Variants in GFRA1 observed in about 807,000 individuals in gnomAD.
GFRA1 encodes GDNF family receptor alpha-1.
GFRA1 carries 16 observed loss-of-function variants against 51.6 expected under a neutral mutation model. The ratio of observed to expected loss-of-function variants is 0.31; its 90% CI spans 0.21 to 0.47. The LOEUF (loss-of-function observed/expected upper bound fraction) is 0.47. Among genes scored for constraint, GFRA1 ranks in the 20% least tolerant of loss-of-function variants. GFRA1 has a pLI of 1.00. For synonymous variants in GFRA1, 270 were observed against 241.3 expected, an observed-to-expected ratio of 1.12 and a Z score of -1.10; for missense variants, 530 against 594.3, an observed-to-expected ratio of 0.89 and a Z score of 1.13.
rs1356436177 is a variant in GFRA1 at position 116,061,876 on chromosome 10, C to T, written c.*2522G>A. 17 of 397,296 alleles carry T rather than the reference C, an allele frequency of 4.3e-5. No individual in the cohort carries two copies. Among genetic ancestry groups the T allele is most frequent in the Non-Finnish European group, 6.6e-5 (15 of 225,724 alleles). 24.6% of individuals were successfully genotyped at this position (397,296 alleles called of 1,614,324 possible). A position where few individuals can be genotyped will look rare whatever the true frequency, so the allele number is the denominator to read the frequency against. Reference sequence around the variant, plus strand: ...GTCAAACTAAGATCACACTGAATGGCGGAAACCTTGCTTGGCTTGCTTTGA... The same window carrying T: ...GTCAAACTAAGATCACACTGAATGGTGGAAACCTTGCTTGGCTTGCTTTGA... On this transcript the variant is annotated 3_prime_UTR_variant, in exon 11 of 11. Coordinates refer to ENST00000355422, the MANE Select transcript of GFRA1 (RefSeq NM_005264.8).
intron 5 of GFRA1, among the ~76,000 whole-genome samples, chr10:116,183,715 T>C (rs918291713): frequency 2.0e-5 from 3 of 152,190 alleles, no homozygotes; most frequent in Admixed American, 6.5e-5. Flanking sequence ...TCTCTGCCTC[T>C]TGCTCACTCA....
At chr10:116,168,666 G>T (rs1452074123) in intron 5 of GFRA1, among the ~76,000 whole-genome samples, 2 of 152,192 alleles carry the variant, frequency 1.3e-5, no homozygotes, top group African/African-American at 4.8e-5. Context: ...GGGTTAACAA[G>T]AAATTCTTTT....
chr10:116,087,654 C>T (rs1045688442), intron 9 of GFRA1, among the ~76,000 whole-genome samples: 1 of 152,318 alleles, frequency 6.6e-6, no homozygotes, highest in Non-Finnish European at 1.5e-5. Context: ...CCCGTGATCA[C>T]CTTATGATAA....
Position 116,271,081 on chromosome 10 carries a change from G to A in GFRA1, c.75C>T (p.Asp25=). Residue 25 remains aspartate (D), a synonymous_variant, in exon 3 of 11, where the codon GAC becomes GAT. Transcript: ENST00000355422. ...LLLSAEVSGG[D]RLDCVKASDQ... Reference sequence around the variant, plus strand: ...CACTGGCTTTCACGCAATCCAGGCGGTCTCCGCCGCTCACTTCGGCCGACA... The same window carrying A: ...CACTGGCTTTCACGCAATCCAGGCGATCTCCGCCGCTCACTTCGGCCGACA... 6.2e-7 allele frequency: 1 copy of A among 1,610,438 alleles called. No individual in the cohort carries two copies. The highest frequency in any genetic ancestry group is 1.3e-5 in the African/African-American group (1 of 74,998).
At chr10:116,244,986 A>C (rs1374040888) in intron 4 of GFRA1, among the ~76,000 whole-genome samples, 1 of 152,238 alleles carries the variant, frequency 6.6e-6, no homozygotes, top group East Asian at 1.9e-4. Flanking sequence ...GAGAGCTTAA[A>C]GAAACAATAG....
chr10:116,244,193 A>G (rs1349541225), intron 4 of GFRA1, among the ~76,000 whole-genome samples: 1 of 150,684 alleles, frequency 6.6e-6, no homozygotes, highest in African/African-American at 2.4e-5. Context: ...GGATCTATTG[A>G]TCTATTACAG....
chr10:116,070,395 C>A (rs951725781), intron 9 of GFRA1, among the ~76,000 whole-genome samples: 1 of 152,194 alleles, frequency 6.6e-6, no homozygotes, highest in African/African-American at 2.4e-5. Flanking sequence ...GGGAAAACCA[C>A]TGTATGAGTT....
At chr10:116,252,539 T>C (rs1269007787) in intron 4 of GFRA1, among the ~76,000 whole-genome samples, 1 of 152,092 alleles carries the variant, frequency 6.6e-6, no homozygotes, top group Non-Finnish European at 1.5e-5. Flanking sequence ...AACCAGGCTA[T>C]CAATGGTCAT....
intron 4 of GFRA1, among the ~76,000 whole-genome samples, chr10:116,234,361 G>A (rs917771693): frequency 2.0e-5 from 3 of 152,132 alleles, no homozygotes; most frequent in Non-Finnish European, 4.4e-5. Flanking sequence ...ACTGGTGAGG[G>A]GAAACAGGGC....
intron 5 of GFRA1, among the ~76,000 whole-genome samples, chr10:116,186,160 C>T (rs1962697627): frequency 6.6e-6 from 1 of 152,076 alleles, no homozygotes; most frequent in African/African-American, 2.4e-5. Flanking sequence ...GGGAGGAGAG[C>T]CCCCAGCGCT....
intron 5 of GFRA1, among the ~76,000 whole-genome samples, chr10:116,209,155 G>T (rs1048987862): frequency 5.3e-5 from 8 of 152,178 alleles, no homozygotes; most frequent in African/African-American, 1.9e-4. Context: ...TGACATGAGA[G>T]CAGGGTAGAC....
intron 4 of GFRA1, among the ~76,000 whole-genome samples, chr10:116,215,008 A>G (rs1451452232): frequency 6.6e-6 from 1 of 152,180 alleles, no homozygotes; most frequent in Non-Finnish European, 1.5e-5. Context: ...CGTTTTATTC[A>G]AATGTAAATT....
In GFRA1 at chr10:116,176,781, T is replaced by C. The variant is rs151164294; in HGVS notation, c.433+34850A>G. Among the ~76,000 whole-genome samples, 1,550 of 128,968 alleles carry C rather than the reference T, an allele frequency of 0.012. 90 individuals carry two copies. The Admixed American group carries it at 0.12, about 10-fold the overall frequency. The allele number at this position is 128,968 out of a possible 152,430, so 84.6% of individuals were successfully genotyped here. On this transcript the variant is annotated intron_variant, in intron 5 of 10. Coordinates refer to ENST00000355422, the MANE Select transcript of GFRA1 (RefSeq NM_005264.8). ...ACAACCAGCAATGTTGGGCCTACCA[T>C]GGCCAAGGCTTTGGAGTTAAAAAGA... is the stretch of plus-strand genomic sequence containing the variant.
chr10:116,132,852 C>T (rs1466314247), intron 5 of GFRA1, among the ~76,000 whole-genome samples: 1 of 152,090 alleles, frequency 6.6e-6, no homozygotes, highest in Non-Finnish European at 1.5e-5. Flanking sequence ...GCCAGCCCTC[C>T]ATCAGCTCAC....
intron 4 of GFRA1, among the ~76,000 whole-genome samples, chr10:116,254,904 CA>C: frequency 6.6e-6 from 1 of 152,278 alleles, no homozygotes; most frequent in East Asian, 1.9e-4. Flanking sequence ...TGCCCTTCCA[CA>C]AAAGGATTCT....
chr10:116,251,128 C>T (rs1968314624), intron 4 of GFRA1, among the ~76,000 whole-genome samples: 1 of 152,212 alleles, frequency 6.6e-6, no homozygotes, highest in South Asian at 2.1e-4. Flanking sequence ...GTACTGACTG[C>T]TATCAAAACA....
At chr10:116,190,078 A>G (rs773879680) in intron 5 of GFRA1, among the ~76,000 whole-genome samples, 3 of 152,204 alleles carry the variant, frequency 2.0e-5, no homozygotes. Context: ...ATGCTTCATG[A>G]GCCAAGCCTG....
chr10:116,238,028 A>G (rs958932630), intron 4 of GFRA1, among the ~76,000 whole-genome samples: 5 of 152,150 alleles, frequency 3.3e-5, no homozygotes, highest in Non-Finnish European at 5.9e-5. Flanking sequence ...CAGACTCTGA[A>G]AACCCTCAAC....
intron 5 of GFRA1, among the ~76,000 whole-genome samples, chr10:116,138,620 A>T (rs1958429276): frequency 6.6e-6 from 1 of 151,912 alleles, no homozygotes; most frequent in Non-Finnish European, 1.5e-5. Context: ...ATTAAAACAA[A>T]GCAAGATGGT....
Sources: allele counts gnomAD v4.1 joint callset (sites outside exome capture counted in the v4.1 genomes callset), GRCh38; gene constraint gnomAD v4.1.1; transcripts MANE v1.5; gene names NCBI Gene and HGNC (gene_info 2026-07-23, HGNC 2026-07-21).